MTDH: variants seen among roughly 807,000 people sequenced by gnomAD.
MTDH encodes protein LYRIC.
A neutral mutation model predicts 72.7 loss-of-function variants in MTDH; 34 were observed. The ratio of observed to expected loss-of-function variants is 0.47; its 90% confidence interval spans 0.36 to 0.62. MTDH has a LOEUF of 0.62. MTDH is among the 20% of genes least tolerant of loss of function. The pLI is 0.00. For missense variants in MTDH, 677 were observed against 699.4 expected (o/e 0.97, Z 0.36); for synonymous variants, 266 against 268.9 (o/e 0.99, Z 0.10).
intron 1 of MTDH, among the ~76,000 whole-genome samples, chr8:97,654,569 A>G (rs1424523906): frequency 1.4e-5 from 2 of 147,146 alleles, no homozygotes; most frequent in African/African-American, 5.0e-5. Context: ...TTTTTTTTTA[A>G]TTATACTTTA....
chr8:97,654,246 A>T (rs1179264013), intron 1 of MTDH, among the ~76,000 whole-genome samples: 1 of 152,220 alleles, frequency 6.6e-6, no homozygotes, highest in Non-Finnish European at 1.5e-5. Context: ...ATTGGGGTTG[A>T]ACTGTGTCTA....
intron 7 of MTDH, among the ~76,000 whole-genome samples, chr8:97,702,036 G>A (rs1814151331): frequency 6.6e-6 from 1 of 152,042 alleles, no homozygotes. Context: ...GGTGCTCAGT[G>A]AATTTAGTTA....
At chr8:97,646,536 C>T (rs1292301518) in intron 1 of MTDH, among the ~76,000 whole-genome samples, 1 of 152,172 alleles carries the variant, frequency 6.6e-6, no homozygotes, top group African/African-American at 2.4e-5. Context: ...GTGAAAATTT[C>T]AAAGCCCTAT....
At chr8:97,683,267 G>A (rs1387142322) in intron 2 of MTDH, among the ~76,000 whole-genome samples, 1 of 151,480 alleles carries the variant, frequency 6.6e-6, no homozygotes, top group Non-Finnish European at 1.5e-5. Context: ...GTTTCACCAT[G>A]TTAGCCAGGA....
intron 6 of MTDH, among the ~76,000 whole-genome samples, chr8:97,697,148 A>ATTTTTTTTTTTTTTT (rs1324445962): frequency 1.5e-5 from 1 of 68,474 alleles, no homozygotes; most frequent in African/African-American, 9.8e-5. Context: ...ATATATATAT[A>ATTTTTTTTTTTTTTT]TATTTTTTTT....
At chr8:97,670,531 C>A (rs535226759) in intron 2 of MTDH, among the ~76,000 whole-genome samples, 9 of 151,902 alleles carry the variant, frequency 5.9e-5, no homozygotes. Flanking sequence ...GGCTAAGTCA[C>A]GAGAATCACT....
intron 6 of MTDH, among the ~76,000 whole-genome samples, chr8:97,696,671 C>A (rs965375413): frequency 3.9e-5 from 6 of 152,112 alleles, no homozygotes; most frequent in Admixed American, 3.3e-4. Flanking sequence ...AAAACTAACC[C>A]TTTCAGGTTA....
chr8:97,644,657 G>T lies in MTDH; in HGVS notation c.151G>T (p.Val51Leu), dbSNP rs1811488704. Reference protein sequence around the residue: ...GLEPKRYPGWVILVGTGALGL... With the variant: ...GLEPKRYPGWLILVGTGALGL... ...GGAGCCGAAACGGTACCCCGGCTGG[G>T]TGATCCTGGTGGGCACTGGCGCGCT... The change falls in exon 1 of 12, where the codon GTG (valine) becomes TTG (leucine). Residue 51 changes from valine (V) to leucine (L), a missense_variant. Val to Leu is a conservative substitution (Grantham distance 32). Around this residue, in one of 3 missense-constraint regions of MTDH, gnomAD observed 467 missense variants for 469.1 expected, o/e 1.00. Transcript: ENST00000336273. The T allele has an allele frequency of 6.2e-7, 1 of 1,608,970 alleles. No homozygotes were observed. The highest frequency in any genetic ancestry group is 8.5e-7 in the Non-Finnish European group (1 of 1,178,850).
intron 6 of MTDH, among the ~76,000 whole-genome samples, chr8:97,697,576 A>G (rs574124570): frequency 3.1e-4 from 47 of 151,538 alleles, no homozygotes; most frequent in Non-Finnish European, 6.5e-4. Flanking sequence ...TAGTAGAGAC[A>G]GTGTTTTACC....
At chr8:97,699,281 C>CT (rs1237245257) in intron 6 of MTDH, among the ~76,000 whole-genome samples, 8 of 150,178 alleles carry the variant, frequency 5.3e-5, no homozygotes, top group Admixed American at 4.6e-4. Flanking sequence ...AAGTGAGACT[C>CT]TGTCTCGAAA....
intron 1 of MTDH, among the ~76,000 whole-genome samples, chr8:97,649,867 G>T (rs1191570079): frequency 6.6e-6 from 1 of 152,148 alleles, no homozygotes; most frequent in Non-Finnish European, 1.5e-5. Flanking sequence ...GCCTCCCAAA[G>T]TGCTGGGATT....
chr8:97,678,053 C>A (rs1224214764), intron 2 of MTDH, among the ~76,000 whole-genome samples: 1 of 152,036 alleles, frequency 6.6e-6, no homozygotes, highest in Non-Finnish European at 1.5e-5. Context: ...TAAATTAGTA[C>A]CAGAGCAAAT....
chr8:97,653,284 T>C (rs2130916948), intron 1 of MTDH, among the ~76,000 whole-genome samples: 1 of 152,358 alleles, frequency 6.6e-6, no homozygotes, highest in African/African-American at 2.4e-5. Flanking sequence ...AACAATATCC[T>C]AATTTCTAGT....
intron 9 of MTDH, among the ~76,000 whole-genome samples, chr8:97,716,918 C>T (rs1563569120): frequency 6.6e-6 from 1 of 152,074 alleles, no homozygotes; most frequent in African/African-American, 2.4e-5. Flanking sequence ...TGGGCTCAAA[C>T]AGTCCTCCTG....
intron 2 of MTDH, among the ~76,000 whole-genome samples, chr8:97,662,174 T>G (rs1812196897): frequency 6.6e-6 from 1 of 151,304 alleles, no homozygotes; most frequent in African/African-American, 2.4e-5. Context: ...TTCCCTTTTG[T>G]GCATCGAATT....
At chr8:97,693,921 C>T (rs997573069) in intron 6 of MTDH, among the ~76,000 whole-genome samples, 7 of 151,628 alleles carry the variant, frequency 4.6e-5, no homozygotes, top group Non-Finnish European at 8.8e-5. Context: ...CGCCATGTTG[C>T]CCTGGCTGGT....
At chr8:97,665,736 T>C (rs927592668) in intron 2 of MTDH, among the ~76,000 whole-genome samples, 1 of 152,178 alleles carries the variant, frequency 6.6e-6, no homozygotes, top group East Asian at 1.9e-4. Flanking sequence ...CTTAGACAAG[T>C]TTGACTGGTC....
intron 6 of MTDH, among the ~76,000 whole-genome samples, chr8:97,691,857 GTGTTTTTTGT>G (rs566448424): frequency 2.6e-5 from 4 of 151,522 alleles, no homozygotes; most frequent in East Asian, 1.9e-4. Context: ...ACTGTATATA[GTGTTTTTTGT>G]TGTTTTTTGT....
chr8:97,650,833 G>A (rs906458709), intron 1 of MTDH, among the ~76,000 whole-genome samples: 7 of 152,000 alleles, frequency 4.6e-5, no homozygotes, highest in Non-Finnish European at 1.0e-4. Context: ...AGGCTCAAGC[G>A]ATCCTCCCAC....
Sources: gnomAD v4.1 joint callset for allele counts (sites outside exome capture counted in the v4.1 genomes callset) on GRCh38, gnomAD v4.1.1 for gene constraint, gnomAD v4.1.1 regional missense constraint, MANE v1.5 for transcripts, NCBI Gene and HGNC (gene_info 2026-07-23, HGNC 2026-07-21) for gene names.